The following APC variants were observed in gnomAD, a reference collection of about 807,000 sequenced individuals.
APC encodes APC regulator of Wnt signaling pathway.
In APC, 72 loss-of-function variants were observed where a neutral mutation model predicts 247.0. The ratio of observed to expected loss-of-function variants is 0.29; its 90% CI spans 0.24 to 0.35. The LOEUF is 0.35. Ranked by LOEUF, APC falls within the 10% of genes least tolerant of loss-of-function variation. The probability of loss-of-function intolerance (pLI) is 1.00; values close to 1 mark genes in which losing one functional copy is unlikely to be tolerated. For missense variants in APC, 3,400 were observed against 3,360.7 expected (o/e 1.01, Z -0.29); for synonymous variants, 1,254 against 1,162.5 (o/e 1.08, Z -1.60).
intron 4 of APC, among the ~76,000 whole-genome samples, chr5:112,772,802 C>T (rs1451793721): frequency 6.6e-6 from 1 of 152,236 alleles, no homozygotes; most frequent in African/African-American, 2.4e-5. Flanking sequence ...CAGGCGTGAC[C>T]CGCCGTGCCT....
intron 1 of APC, among the ~76,000 whole-genome samples, chr5:112,754,193 C>T (rs966236608): frequency 1.3e-5 from 2 of 152,218 alleles, no homozygotes; most frequent in African/African-American, 4.8e-5. Flanking sequence ...TATGCCATAG[C>T]ATAGGCTATT....
intron 6 of APC, among the ~76,000 whole-genome samples, chr5:112,789,547 A>C (rs1759341597): frequency 6.6e-6 from 1 of 152,152 alleles, no homozygotes; most frequent in South Asian, 2.1e-4. Context: ...AACGGAGAGG[A>C]GTGGGAGATA....
At chr5:112,752,052 T>G (rs1282040809) in intron 1 of APC, among the ~76,000 whole-genome samples, 2 of 152,086 alleles carry the variant, frequency 1.3e-5, no homozygotes, top group African/African-American at 2.4e-5. Context: ...CATTGTAAAT[T>G]ATATTTTTCA....
rs876658169 is a variant in APC, at chr5:112,840,619, T to G, written c.5025T>G (p.Val1675=). The G allele has an allele frequency of 3.4e-5, 55 of 1,613,910 alleles. No individual in the cohort carries two copies. The Admixed American group carries it at 9.2e-4, about 27-fold the overall frequency. The change falls in exon 16 of 16, where the codon GTT becomes GTG. Residue 1675 remains valine, a synonymous_variant. Coordinates refer to ENST00000257430, the MANE Select transcript of APC (RefSeq NM_000038.6). The surrounding 1 kb of genome is among the most constrained non-coding windows in gnomAD (Gnocchi z 4.1). The part of the protein sequence containing the change: ...PPNELAAGEG[V]RGGAQSGEFE... ...ATGAGTTAGCTGCTGGAGAAGGAGT[T>G]AGAGGAGGGGCACAGTCAGGTGAAT...
At chr5:112,794,333 G>A (rs1015149783) in intron 7 of APC, among the ~76,000 whole-genome samples, 26 of 152,270 alleles carry the variant, frequency 1.7e-4, no homozygotes, top group African/African-American at 6.0e-4. Context: ...TGCCTGTCTT[G>A]GCCTTCCAAA....
chr5:112,829,118 T>C, intron 14 of APC, 146 bp downstream of exon 14: 1 of 637,340 alleles, frequency 1.6e-6, no homozygotes, highest in Admixed American at 2.7e-5. Flanking sequence ...CTTTTTTTGC[T>C]GCCTTCTTTT....
intron 1 of APC, among the ~76,000 whole-genome samples, chr5:112,715,546 G>T (rs2149646559): frequency 6.6e-6 from 1 of 152,236 alleles, no homozygotes; most frequent in Admixed American, 6.5e-5. Flanking sequence ...ATCATTTTTG[G>T]TTTTGGAAGA....
chr5:112,802,941 AT>A (rs1286879458), intron 8 of APC, among the ~76,000 whole-genome samples: 4 of 152,144 alleles, frequency 2.6e-5, no homozygotes, highest in African/African-American at 7.2e-5. Flanking sequence ...AAGTAAAAAA[AT>A]AAATAATAAT....
chr5:112,843,054 C>T lies in APC; in HGVS notation c.7460C>T (p.Ser2487Phe), dbSNP rs778636967. 6.2e-7 allele frequency: 1 copy of T among 1,613,914 alleles called. No individual in the cohort carries two copies. Among genetic ancestry groups the T allele is most frequent in the Admixed American group, 1.7e-5 (1 of 60,014 alleles). The change falls in exon 16 of 16, where the codon TCC (serine) becomes TTC (phenylalanine). Residue 2487 changes from serine (S) to phenylalanine (F), a missense_variant. By Grantham distance (155) the Ser-to-Phe change is radical. Around this residue, in one of 9 missense-constraint regions of APC, gnomAD observed 1,788 missense variants for 1,649.5 expected, o/e 1.08. Transcript: ENST00000257430. The surrounding 1 kb of genome is among the most constrained non-coding windows in gnomAD (Gnocchi z 4.8). ...SQAQTPVLSP[S>F]LPDMSLSTHS... ...GCACAAACTCCAGTTTTAAGTCCTT[C>T]CCTTCCTGATATGTCTCTATCCACA...
In APC at chr5:112,845,886, CT is replaced by C. The variant is rs35060388; in HGVS notation, c.*1765del. The C allele has an allele frequency of 1.7e-5, 4 of 231,884 alleles. No individual in the cohort carries two copies. Among genetic ancestry groups the C allele is most frequent in the African/African-American group, 6.6e-5 (3 of 45,214 alleles). 14.4% of individuals were successfully genotyped at this position (231,884 alleles called of 1,614,324 possible). ...CACTCTGTATTTGGGGAGGGAAAAC[CT>C]TTTTAAGCATGGTGGGGCACTCAGA... is the stretch of plus-strand genomic sequence containing the variant. On this transcript the variant is annotated 3_prime_UTR_variant, in exon 16 of 16. Transcript: ENST00000257430.
rs1554087777 is a variant in APC at position 112,842,420 on chromosome 5, C to T, written c.6826C>T (p.Pro2276Ser). ...CACCACTTCTCCTAGAGGAGCCAAG[C>T]CATCTGTGAAATCAGAATTAAGCCC... ...TATTSPRGAK[P>S]SVKSELSPVA... Residue 2276 changes from proline (P) to serine (S), a missense_variant, in exon 16 of 16, where the codon CCA becomes TCA. Physicochemically the swap from Pro to Ser is moderately conservative, Grantham distance 74. Around this residue, in one of 9 missense-constraint regions of APC, gnomAD observed 1,788 missense variants for 1,649.5 expected, o/e 1.08. Coordinates refer to ENST00000257430, the MANE Select transcript of APC (RefSeq NM_000038.6). 2 of 1,614,068 alleles carry T rather than the reference C, an allele frequency of 1.2e-6. No homozygotes were observed. The highest frequency in any genetic ancestry group is 1.7e-6 in the Non-Finnish European group (2 of 1,179,942).
chr5:112,734,550 A>G (rs1752268143), upstream of APC, among the ~76,000 whole-genome samples: 1 of 152,296 alleles, frequency 6.6e-6, no homozygotes, highest in African/African-American at 2.4e-5. Flanking sequence ...AAGCTTGTTG[A>G]TATCTGTAGG....
intron 14 of APC, among the ~76,000 whole-genome samples, chr5:112,832,683 C>A (rs1197644349): frequency 6.6e-6 from 1 of 152,172 alleles, no homozygotes; most frequent in Non-Finnish European, 1.5e-5. Flanking sequence ...CATTCTACTT[C>A]CCCTGCCAGC....
Position 112,841,628 on chromosome 5 carries a change from T to C in APC, c.6034T>C (p.Phe2012Leu), listed in dbSNP as rs2149955363. ...AGCATCAGGCTATGCTCCTAAATCA[T>C]TTCATGTTGAAGATACCCCAGTTTG... ...PQASGYAPKS[F>L]HVEDTPVCFS... Residue 2012 changes from phenylalanine to leucine, a missense_variant, in exon 16 of 16, where the codon TTT becomes CTT. Around this residue, in one of 9 missense-constraint regions of APC, gnomAD observed 1,788 missense variants for 1,649.5 expected, o/e 1.08. Coordinates refer to ENST00000257430, the MANE Select transcript of APC (RefSeq NM_000038.6). This position sits in a 1 kb window ranked among gnomAD's most constrained non-coding sequence, Gnocchi z 4.6. The C allele has an allele frequency of 1.2e-6, 2 of 1,613,452 alleles. No homozygotes were observed. Among genetic ancestry groups the C allele is most frequent in the Non-Finnish European group, 1.7e-6 (2 of 1,179,390 alleles).
chr5:112,832,243 T>G (rs967886704), intron 14 of APC, among the ~76,000 whole-genome samples: 1 of 152,180 alleles, frequency 6.6e-6, no homozygotes, highest in Non-Finnish European at 1.5e-5. Context: ...TACCTTCAAC[T>G]CTCAACTCTG....
intron 1 of APC, among the ~76,000 whole-genome samples, chr5:112,713,183 A>C (rs1581009507): frequency 1.3e-5 from 2 of 152,046 alleles, no homozygotes; most frequent in African/African-American, 4.8e-5. Context: ...AAAAAAAAAA[A>C]AAACCAGTAT....
intron 1 of APC, among the ~76,000 whole-genome samples, chr5:112,724,444 C>T (rs1380836656): frequency 6.6e-6 from 1 of 152,180 alleles, no homozygotes; most frequent in African/African-American, 2.4e-5. Flanking sequence ...TGGGTACCTA[C>T]TTTGGACCAG....
intron 6 of APC, among the ~76,000 whole-genome samples, chr5:112,788,226 T>C (rs576566007): frequency 4.6e-5 from 7 of 152,308 alleles, no homozygotes; most frequent in African/African-American, 7.2e-5. Flanking sequence ...GTTGGGTGAA[T>C]CGTTCTTTGT....
In APC at chr5:112,781,076, A is replaced by G. The variant is rs2289484; in HGVS notation, c.645+173A>G. Among the ~76,000 whole-genome samples, 64,363 of 152,116 alleles carry G rather than the reference A, an allele frequency of 0.42. 15,894 individuals carry two copies. Among genetic ancestry groups the G allele is most frequent in the East Asian group, 0.67 (3,457 of 5,178 alleles). On this transcript the variant is annotated intron_variant, in intron 6 of 15. Transcript: ENST00000257430. ...GCTGAGCAACATAATCAATATTCAC[A>G]TAGTTGTGTCTTTACCATATTCATT...
Sources: gnomAD v4.1 joint callset for allele counts (sites outside exome capture counted in the v4.1 genomes callset) on GRCh38, gnomAD v4.1.1 for gene constraint, gnomAD v4.1.1 regional missense constraint, Gnocchi (gnomAD v3.1) non-coding constraint, MANE v1.5 for transcripts, NCBI Gene and HGNC (gene_info 2026-07-23, HGNC 2026-07-21) for gene names.